SHCBP1L: variants seen among roughly 807,000 people sequenced by gnomAD.
SHCBP1L encodes testicular spindle-associated protein SHCBP1L.
A neutral mutation model predicts 62.5 loss-of-function variants in SHCBP1L; 67 were observed. The observed-to-expected ratio is 1.07, with a 90% CI of 0.88 to 1.31. The LOEUF (loss-of-function observed/expected upper bound fraction) is 1.31. Among genes scored for constraint, SHCBP1L ranks in the 40% most tolerant of loss-of-function variants. The probability of loss-of-function intolerance (pLI) is 0.00; values close to 1 mark genes in which losing one functional copy is unlikely to be tolerated. For synonymous variants in SHCBP1L, 284 were observed against 289.4 expected (o/e 0.98, Z 0.19); for missense variants, 823 against 809.8 (o/e 1.02, Z -0.20).
At chr1:182,929,127 T>G (rs1650877044) in intron 6 of SHCBP1L, among the ~76,000 whole-genome samples, 1 of 152,192 alleles carries the variant, frequency 6.6e-6, no homozygotes, top group African/African-American at 2.4e-5. Flanking sequence ...TCAGAACATT[T>G]GTTTGTTCTT....
chr1:182,905,601 C>T lies in SHCBP1L; in HGVS notation c.1231G>A (p.Asp411Asn). Residue 411 changes from aspartate (D) to asparagine (N), a missense_variant, in exon 7 of 10, where the codon GAT (aspartate) becomes AAT (asparagine). Physicochemically the swap from Asp to Asn is conservative, Grantham distance 23. Coordinates refer to ENST00000367547, the MANE Select transcript of SHCBP1L (RefSeq NM_030933.4). The part of the protein sequence containing the change: ...DTLLQQHGDL[D>N]LALDNCYSGD... ...CTATAACAATTATCCAAAGCCAAAT[C>T]CAAATCACCATGCTGTTGGAGAAGT... The T allele has an allele frequency of 6.2e-7, 1 of 1,613,652 alleles. No individual in the cohort carries two copies. The highest frequency in any genetic ancestry group is 8.5e-7 in the Non-Finnish European group (1 of 1,179,800).
At chr1:182,932,710 G>C (rs964254535) in intron 5 of SHCBP1L, among the ~76,000 whole-genome samples, 1 of 152,094 alleles carries the variant, frequency 6.6e-6, no homozygotes, top group African/African-American at 2.4e-5. Context: ...GGCCAGGCTT[G>C]TCTCGAACTC....
chr1:182,923,065 A>C lies in SHCBP1L; in HGVS notation c.1182+6582T>G, dbSNP rs770666660. Among the ~76,000 whole-genome samples the C allele has an allele frequency of 4.8e-4, 73 of 152,202 alleles. 1 individual carries two copies. The highest frequency in any genetic ancestry group is 2.6e-4 in the Admixed American group (4 of 15,276). On this transcript the variant is annotated intron_variant, in intron 6 of 9. Transcript: ENST00000367547. ...AAAAGGACATTACTACTGACACCAC[A>C]GAAATACAAAAAAACCCTCAGAGGC...
At chr1:182,935,632 T>A (rs1226510265) in intron 5 of SHCBP1L, among the ~76,000 whole-genome samples, 3 of 152,196 alleles carry the variant, frequency 2.0e-5, no homozygotes, top group Non-Finnish European at 4.4e-5. Context: ...TTCCAGTTTG[T>A]AGGCCTTTTG....
chr1:182,942,458 C>T (rs1041367259), intron 2 of SHCBP1L: 5 of 673,684 alleles, frequency 7.4e-6, no homozygotes, highest in African/African-American at 3.6e-5. Flanking sequence ...GCGCCGAGAG[C>T]CTCCGCGAAA....
intron 6 of SHCBP1L, 52 bp downstream of exon 6, chr1:182,929,595 G>A (rs376085375): frequency 3.0e-5 from 37 of 1,244,064 alleles, no homozygotes; most frequent in African/African-American, 2.0e-4. Flanking sequence ...CTTCTTTTCC[G>A]ATTATACACA....
chr1:182,939,204 G>A lies in SHCBP1L; in HGVS notation c.1048C>T (p.Leu350=). The A allele has an allele frequency of 6.2e-7, 1 of 1,611,688 alleles. No homozygotes were observed. Among genetic ancestry groups the A allele is most frequent in the Non-Finnish European group, 8.5e-7 (1 of 1,179,398 alleles). Residue 350 remains leucine, a synonymous_variant, in exon 5 of 10, where the codon CTG becomes TTG. Coordinates refer to ENST00000367547, the MANE Select transcript of SHCBP1L (RefSeq NM_030933.4). ...AGGCGTAAATCTTCCCACATTTTCAGTAATCCACAGAGCATGACTATCTCA... is the reference window on the plus strand; with the variant it reads ...AGGCGTAAATCTTCCCACATTTTCAATAATCCACAGAGCATGACTATCTCA... ...YYEIVMLCGL[L]KMWEDLRLRV... is the part of the protein sequence containing the mutation.
intron 6 of SHCBP1L, among the ~76,000 whole-genome samples, chr1:182,917,337 C>T (rs759744106): frequency 6.6e-6 from 1 of 152,164 alleles, no homozygotes; most frequent in Non-Finnish European, 1.5e-5. Flanking sequence ...TAACACACCA[C>T]ATTAATAGAA....
Position 182,904,527 on chromosome 1 carries a change from C to A in SHCBP1L, c.1337-97G>T, listed in dbSNP as rs1649943868. 8 of 1,213,368 alleles carry A rather than the reference C, an allele frequency of 6.6e-6. No individual in the cohort carries two copies. In the South Asian group the frequency reaches 1.0e-4, roughly 15 times the overall value. 75.2% of individuals were successfully genotyped at this position (1,213,368 alleles called of 1,614,324 possible). On this transcript the variant is annotated intron_variant, in intron 7 of 9. Coordinates refer to ENST00000367547, the MANE Select transcript of SHCBP1L (RefSeq NM_030933.4). ...ATACTGCTGTTACTAAAGTTTTTCC[C>A]TGTGTGCGTGTGTGTGTGTGTGTGT...
At chr1:182,911,712 G>A (rs1480384500) in intron 6 of SHCBP1L, among the ~76,000 whole-genome samples, 1 of 152,122 alleles carries the variant, frequency 6.6e-6, no homozygotes, top group Non-Finnish European at 1.5e-5. Flanking sequence ...GATAGCTGAA[G>A]TGAAAAATTC....
intron 6 of SHCBP1L, among the ~76,000 whole-genome samples, chr1:182,924,308 T>C (rs1359250493): frequency 6.6e-6 from 1 of 151,460 alleles, no homozygotes; most frequent in Non-Finnish European, 1.5e-5. Flanking sequence ...TTTTTTTTTT[T>C]TTTTTTTTGA....
At chr1:182,944,942 CTTTT>C (rs1257837369) in intron 2 of SHCBP1L, among the ~76,000 whole-genome samples, 1 of 140,520 alleles carries the variant, frequency 7.1e-6, no homozygotes, top group Non-Finnish European at 1.6e-5. Flanking sequence ...TGCTCATTTT[CTTTT>C]TTCTTTCTTT....
chr1:182,915,313 AGACTTTAATAACACAATT>A (rs796542832), intron 6 of SHCBP1L, among the ~76,000 whole-genome samples: 43 of 152,238 alleles, frequency 2.8e-4, no homozygotes, highest in African/African-American at 1.0e-3. Context: ...TAGATAAAAT[AGACTTTAATAACACAATT>A]GTTGCTAGAG....
intron 1 of SHCBP1L, among the ~76,000 whole-genome samples, chr1:182,952,235 T>TCC (rs1651796179): frequency 2.3e-5 from 1 of 42,838 alleles, no homozygotes; most frequent in African/African-American, 1.1e-4. Context: ...TATATATATA[T>TCC]ACACACACAC....
chr1:182,939,448 G>A lies in SHCBP1L; in HGVS notation c.857+19C>T, dbSNP rs1398865224. ...TTATTTTTTCTAATGTGCGGTATAAGTTTATAAACTATACTTACAAATTAA... is the reference window on the plus strand; with the variant it reads ...TTATTTTTTCTAATGTGCGGTATAAATTTATAAACTATACTTACAAATTAA... On this transcript the variant is annotated intron_variant, in intron 4 of 9. Transcript: ENST00000367547. The A allele has an allele frequency of 6.2e-7, 1 of 1,603,566 alleles. No individual in the cohort carries two copies. Among genetic ancestry groups the A allele is most frequent in the African/African-American group, 1.3e-5 (1 of 74,158 alleles).
At position 182,929,727 on chromosome 1, in the gene SHCBP1L, T is replaced by G. The variant is rs148270884; in HGVS notation, c.1102A>C (p.Ile368Leu). ...CTTTTTCCTTTCCTACGCCTCAGAA[T>G]TCTTGGAAAGAAAGGTCCATGAACT... Reference protein sequence around the residue: ...LRVHGPFFPRILRRRKGKREF... With the variant: ...LRVHGPFFPRLLRRRKGKREF... Residue 368 changes from isoleucine (I) to leucine (L), a missense_variant, in exon 6 of 10, where the codon ATT (isoleucine) becomes CTT (leucine). Transcript: ENST00000367547. 1.1e-5 allele frequency: 17 copies of G among 1,590,804 alleles called. No homozygotes were observed. Among genetic ancestry groups the G allele is most frequent in the Non-Finnish European group, 1.4e-5 (17 of 1,174,320 alleles).
intron 6 of SHCBP1L, among the ~76,000 whole-genome samples, chr1:182,924,790 GAGAA>G (rs1331725781): frequency 2.7e-5 from 2 of 73,356 alleles, no homozygotes; most frequent in East Asian, 4.2e-4. Flanking sequence ...GAAAGAAAGA[GAGAA>G]AGAAAGGAAG....
chr1:182,924,797 A>AAGG lies in SHCBP1L; in HGVS notation c.1182+4849_1182+4850insCCT, dbSNP rs1557996934. 5.4e-4 allele frequency among the ~76,000 whole-genome samples: 66 copies of AAGG among 122,816 alleles called. 4 individuals are homozygous for AAGG. Among genetic ancestry groups the AAGG allele is most frequent in the African/African-American group, 2.6e-3 (59 of 22,762 alleles). The allele number at this position is 122,816 out of a possible 152,430, so 80.6% of individuals were successfully genotyped here. On this transcript the variant is annotated intron_variant, in intron 6 of 9. Transcript: ENST00000367547. ...GAAAGAAAGAAAGAAAGAGAGAAAG[A>AAGG]AAGGAAGGAAGGAAGGAGGGAAGAG...
At chr1:182,927,225 G>T (rs1409767436) in intron 6 of SHCBP1L, among the ~76,000 whole-genome samples, 2 of 150,908 alleles carry the variant, frequency 1.3e-5, no homozygotes, top group African/African-American at 2.4e-5. Flanking sequence ...TTGAACATTG[G>T]GTATCTAACT....
Sources: gnomAD v4.1 joint callset for allele counts (sites outside exome capture counted in the v4.1 genomes callset) on GRCh38, gnomAD v4.1.1 for gene constraint, MANE v1.5 for transcripts, NCBI Gene and HGNC (gene_info 2026-07-23, HGNC 2026-07-21) for gene names.